GRM7: variants seen among roughly 807,000 people sequenced by gnomAD.
GRM7 encodes the protein metabotropic glutamate receptor 7.
A neutral mutation model predicts 84.5 loss-of-function variants in GRM7; 35 were observed. The ratio of observed to expected loss-of-function variants is 0.41; its 90% CI spans 0.32 to 0.55. The LOEUF (loss-of-function observed/expected upper bound fraction) is 0.55. GRM7 is among the 20% of genes least tolerant of loss of function. The probability of loss-of-function intolerance (pLI) is 0.19; values close to 1 mark genes in which losing one functional copy is unlikely to be tolerated. For synonymous variants in GRM7, 487 were observed against 455.1 expected (o/e 1.07, Z -0.89); for missense variants, 1,003 against 1,194.6 (o/e 0.84, Z 2.36).
intron 8 of GRM7, among the ~76,000 whole-genome samples, chr3:7,634,733 G>T (rs1386875526): frequency 2.6e-5 from 4 of 151,524 alleles, no homozygotes; most frequent in African/African-American, 9.7e-5. Context: ...GGCAGAGCTT[G>T]CAGTGAGCCG....
chr3:7,323,682 C>A (rs1440800123), intron 4 of GRM7, among the ~76,000 whole-genome samples: 1 of 152,150 alleles, frequency 6.6e-6, no homozygotes, highest in Admixed American at 6.6e-5. Flanking sequence ...TTTGCCAAGT[C>A]AATGGCCACA....
intron 1 of GRM7, among the ~76,000 whole-genome samples, chr3:6,880,562 C>T (rs919244590): frequency 4.6e-5 from 7 of 152,082 alleles, no homozygotes; most frequent in Admixed American, 2.6e-4. Context: ...CCAAAAGCCC[C>T]TTTATATCTG....
At chr3:7,485,844 T>G (rs1559355553) in intron 7 of GRM7, among the ~76,000 whole-genome samples, 1 of 152,134 alleles carries the variant, frequency 6.6e-6, no homozygotes, top group Non-Finnish European at 1.5e-5. Context: ...GATTAATAAT[T>G]CATGTTCACA....
At chr3:7,135,381 G>A (rs1693739268) in intron 1 of GRM7, among the ~76,000 whole-genome samples, 1 of 152,160 alleles carries the variant, frequency 6.6e-6, no homozygotes, top group Admixed American at 6.6e-5. Flanking sequence ...ACTTAATAAT[G>A]CCCCACTGGG....
At chr3:7,551,548 C>T (rs977881428) in intron 7 of GRM7, among the ~76,000 whole-genome samples, 1 of 151,442 alleles carries the variant, frequency 6.6e-6, no homozygotes, top group South Asian at 2.1e-4. Context: ...AGATCCTTTA[C>T]AATTCTTGAC....
At chr3:7,391,840 C>G (rs953914837) in intron 4 of GRM7, among the ~76,000 whole-genome samples, 1 of 151,958 alleles carries the variant, frequency 6.6e-6, no homozygotes, top group African/African-American at 2.4e-5. Flanking sequence ...TCCCCCAGAG[C>G]ATGTTTGCCT....
At chr3:6,870,101 CAT>C (rs1336523850) in intron 1 of GRM7, among the ~76,000 whole-genome samples, 2 of 151,878 alleles carry the variant, frequency 1.3e-5, no homozygotes, top group African/African-American at 4.8e-5. Context: ...CTTACATTCT[CAT>C]GTGTGAAAAC....
chr3:7,218,788 A>T (rs73809006), intron 2 of GRM7, among the ~76,000 whole-genome samples: 1,930 of 151,552 alleles, frequency 0.013, 38 homozygotes, highest in African/African-American at 0.042. Flanking sequence ...AATATTATAG[A>T]TATTGATTTG....
At chr3:7,352,017 C>A (rs1693169710) in intron 4 of GRM7, among the ~76,000 whole-genome samples, 1 of 149,706 alleles carries the variant, frequency 6.7e-6, no homozygotes, top group Non-Finnish European at 1.5e-5. Context: ...TTCATTCAGT[C>A]ATTCGTTCAT....
chr3:7,032,586 A>G (rs576945193), intron 1 of GRM7, among the ~76,000 whole-genome samples: 68 of 152,246 alleles, frequency 4.5e-4, no homozygotes, highest in African/African-American at 1.6e-3. Context: ...CAAATTTCCC[A>G]GGGCGTTTTT....
chr3:7,283,857 C>G (rs1370454552), intron 2 of GRM7, among the ~76,000 whole-genome samples: 2 of 152,158 alleles, frequency 1.3e-5, no homozygotes, highest in African/African-American at 4.8e-5. Flanking sequence ...AATGGGGTTT[C>G]TGGCCCGACA....
At chr3:7,177,318 T>C (rs957189334) in intron 2 of GRM7, among the ~76,000 whole-genome samples, 1 of 152,202 alleles carries the variant, frequency 6.6e-6, no homozygotes, top group Non-Finnish European at 1.5e-5. Context: ...CACCACTTTA[T>C]ACTTATTTTA....
At chr3:7,632,322 C>G (rs6443118) in intron 8 of GRM7, among the ~76,000 whole-genome samples, 2 of 151,988 alleles carry the variant, frequency 1.3e-5, no homozygotes, top group Non-Finnish European at 2.9e-5. Flanking sequence ...GTAGCCATTA[C>G]TATTCTCAGT....
intron 2 of GRM7, among the ~76,000 whole-genome samples, chr3:7,228,057 C>T (rs934962550): frequency 3.3e-5 from 5 of 152,102 alleles, no homozygotes; most frequent in African/African-American, 1.2e-4. Context: ...GTGATTAGCT[C>T]TAATATTATC....
Position 6,861,980 on chromosome 3 carries a change from A to G in GRM7, c.519+73A>G. On this transcript the variant is annotated intron_variant, in intron 1 of 9. Coordinates refer to ENST00000357716, the MANE Select transcript of GRM7 (RefSeq NM_000844.4). The surrounding 1 kb of genome is among the most constrained non-coding windows in gnomAD (Gnocchi z 6.4). The stretch of plus-strand genomic sequence containing the variant: ...CCCTTAACCCTAAAAGCTGGCTTGG[A>G]CTCCGGTGGTGCGGGTCAGGTCAGC... The G allele has an allele frequency of 7.7e-7, 1 of 1,306,766 alleles. No homozygotes were observed. 80.9% of individuals were successfully genotyped at this position (1,306,766 alleles called of 1,614,324 possible).
intron 7 of GRM7, among the ~76,000 whole-genome samples, chr3:7,548,776 G>T (rs1693294763): frequency 6.6e-6 from 1 of 152,158 alleles, no homozygotes; most frequent in African/African-American, 2.4e-5. Flanking sequence ...CAAGTGTATG[G>T]CTTTGGTTGC....
chr3:7,700,600 T>C (rs1052916531), intron 9 of GRM7, among the ~76,000 whole-genome samples: 1 of 152,218 alleles, frequency 6.6e-6, no homozygotes, highest in Non-Finnish European at 1.5e-5. Context: ...TCCTGTAATA[T>C]GTGCTTTGTT....
At chr3:7,044,938 A>C (rs1349039943) in intron 1 of GRM7, among the ~76,000 whole-genome samples, 2 of 152,114 alleles carry the variant, frequency 1.3e-5, no homozygotes, top group Non-Finnish European at 2.9e-5. Context: ...TTTTGACAGA[A>C]ACTTTAGAGG....
At chr3:7,110,077 A>C (rs957747524) in intron 1 of GRM7, among the ~76,000 whole-genome samples, 1 of 152,140 alleles carries the variant, frequency 6.6e-6, no homozygotes, top group Non-Finnish European at 1.5e-5. Context: ...ATTTTGCCTC[A>C]AAATACAATT....
Sources: gnomAD v4.1 joint callset for allele counts (sites outside exome capture counted in the v4.1 genomes callset) on GRCh38, gnomAD v4.1.1 for gene constraint, Gnocchi (gnomAD v3.1) non-coding constraint, MANE v1.5 for transcripts, NCBI Gene and HGNC (gene_info 2026-07-23, HGNC 2026-07-21) for gene names.